NFASC: variants seen among roughly 807,000 people sequenced by gnomAD.
NFASC encodes the protein neurofascin, also known as neurofascin homolog.
A neutral mutation model predicts 147.5 loss-of-function variants in NFASC; 43 were observed. That is an observed-to-expected ratio of 0.29 (90% CI 0.23 to 0.38). The LOEUF is 0.38. Ranked by LOEUF, NFASC falls within the 10% of genes least tolerant of loss-of-function variation. NFASC has a pLI of 1.00. For synonymous variants in NFASC, 622 were observed against 665.5 expected, an observed-to-expected ratio of 0.93 and a Z score of 1.01; for missense variants, 1,320 against 1,689.0, an observed-to-expected ratio of 0.78 and a Z score of 3.83.
chr1:204,835,657 T>A (rs1673544273), intron 1 of NFASC, among the ~76,000 whole-genome samples: 1 of 152,122 alleles, frequency 6.6e-6, no homozygotes, highest in South Asian at 2.1e-4. Flanking sequence ...GGGTGGTGGG[T>A]GCATGTAATT....
intron 1 of NFASC, among the ~76,000 whole-genome samples, chr1:204,859,766 T>A (rs558851250): frequency 1.3e-5 from 2 of 152,368 alleles, no homozygotes; most frequent in East Asian, 3.9e-4. Context: ...AAAATAACCA[T>A]TTAAGACTTA....
rs933603296 is a variant in NFASC at position 205,016,685 on chromosome 1, T to C, written c.*146T>C. ...GGGTCTGCCAAGCTGTGAGGACCAGTAGCCACCAAGCCACCCACAAGCCCC... is the reference window on the plus strand; with the variant it reads ...GGGTCTGCCAAGCTGTGAGGACCAGCAGCCACCAAGCCACCCACAAGCCCC... On this transcript the variant is annotated 3_prime_UTR_variant, in exon 30 of 30. Coordinates refer to ENST00000339876, the MANE Select transcript of NFASC (RefSeq NM_001005388.3). The surrounding 1 kb of genome is among the most constrained non-coding windows in gnomAD (Gnocchi z 5.1). 5.6e-6 allele frequency: 4 copies of C among 708,304 alleles called. No individual in the cohort carries two copies. In the Admixed American group the frequency reaches 8.1e-5, roughly 14 times the overall value. The allele number at this position is 708,304 out of a possible 1,614,324, so 43.9% of individuals were successfully genotyped here. A position where few individuals can be genotyped will look rare whatever the true frequency, so the allele number is the denominator to read the frequency against.
chr1:204,943,994 C>T (rs553507473), intron 2 of NFASC, among the ~76,000 whole-genome samples: 2 of 152,152 alleles, frequency 1.3e-5, no homozygotes, highest in African/African-American at 2.4e-5. Flanking sequence ...TGGCTTCTAT[C>T]GGGTAGAGGT....
In NFASC at chr1:204,915,516, C is replaced by T. The variant is rs138787246; in HGVS notation, c.-199-5116C>T. On this transcript the variant is annotated intron_variant, in intron 1 of 29. Coordinates refer to ENST00000339876, the MANE Select transcript of NFASC (RefSeq NM_001005388.3). ...CAGGGTATGAGTGGAGCTTGGGAAGCTGTGCGACAGGTTTGAGAGGACGAT... is the reference window on the plus strand; with the variant it reads ...CAGGGTATGAGTGGAGCTTGGGAAGTTGTGCGACAGGTTTGAGAGGACGAT... 4.3e-3 allele frequency among the ~76,000 whole-genome samples: 653 copies of T among 152,200 alleles called. 6 individuals carry two copies. Among genetic ancestry groups the T allele is most frequent in the African/African-American group, 0.015 (618 of 41,524 alleles).
rs182896603 is a variant in NFASC, at chr1:204,914,903, G to A, written c.-199-5729G>A. 1.3e-3 allele frequency among the ~76,000 whole-genome samples: 200 copies of A among 152,276 alleles called. 1 individual carries two copies. Among genetic ancestry groups the A allele is most frequent in the African/African-American group, 4.4e-3 (184 of 41,542 alleles). On this transcript the variant is annotated intron_variant, in intron 1 of 29. Coordinates refer to ENST00000339876, the MANE Select transcript of NFASC (RefSeq NM_001005388.3). ...AATTTTCTATATGAAATGATTACAA[G>A]CAACCTAAATGTCTATCAGTAGAGG... is the stretch of plus-strand genomic sequence containing the variant.
chr1:204,900,747 G>A (rs1328361228), intron 1 of NFASC, among the ~76,000 whole-genome samples: 1 of 152,220 alleles, frequency 6.6e-6, no homozygotes, highest in Admixed American at 6.5e-5. Flanking sequence ...GGGGACACTG[G>A]AACGAAGACC....
At position 205,008,244 on chromosome 1, in the gene NFASC, C is replaced by T. The variant is rs186028378; in HGVS notation, c.3290-1313C>T. The stretch of plus-strand genomic sequence containing the variant: ...GGGAAGGCTGTAAAAACAGTTTCTG[C>T]CCCCAAGAGGAGCAAAGGGTGGGCT... On this transcript the variant is annotated intron_variant, in intron 27 of 29. Coordinates refer to ENST00000339876, the MANE Select transcript of NFASC (RefSeq NM_001005388.3). Among the ~76,000 whole-genome samples the T allele has an allele frequency of 1.6e-4, 25 of 152,318 alleles. No individual in the cohort carries two copies. In the East Asian group the frequency reaches 4.6e-3, roughly 28 times the overall value.
chr1:204,870,597 C>A (rs1339703114), intron 1 of NFASC: 3 of 905,284 alleles, frequency 3.3e-6, no homozygotes, highest in Non-Finnish European at 2.7e-6. Context: ...TCTGTCTATC[C>A]CCTCAGGAGC....
At position 205,000,264 on chromosome 1, in the gene NFASC, G is replaced by C. The variant is rs574613027; in HGVS notation, c.3020-906G>C. ...ACCTAGTCCACGTGAGGGAGAGGAA[G>C]GCTTCACATTGTCTTTACTTGGGCC... On this transcript the variant is annotated intron_variant, in intron 25 of 29. Coordinates refer to ENST00000339876, the MANE Select transcript of NFASC (RefSeq NM_001005388.3). 20 of 152,292 alleles carry C rather than the reference G, an allele frequency of 1.3e-4. No individual in the cohort carries two copies. In the East Asian group the frequency reaches 2.3e-3, roughly 18 times the overall value. 9.4% of individuals were successfully genotyped at this position (152,292 alleles called of 1,614,324 possible). A position where few individuals can be genotyped will look rare whatever the true frequency, so the allele number is the denominator to read the frequency against.
At chr1:204,829,859 C>T (rs991260570) in intron 1 of NFASC, among the ~76,000 whole-genome samples, 1 of 152,184 alleles carries the variant, frequency 6.6e-6, no homozygotes, top group Non-Finnish European at 1.5e-5. Context: ...AGCACTTTGG[C>T]ATCTGGAGCT....
At chr1:204,829,284 C>T (rs536082865) in intron 1 of NFASC, among the ~76,000 whole-genome samples, 3 of 151,514 alleles carry the variant, frequency 2.0e-5, no homozygotes, top group Admixed American at 2.0e-4. Flanking sequence ...CTGTCCTCCC[C>T]TGGTTCCCCC....
intron 29 of NFASC, among the ~76,000 whole-genome samples, chr1:205,013,154 C>T (rs906639796): frequency 2.0e-5 from 3 of 152,230 alleles, no homozygotes; most frequent in Admixed American, 6.5e-5. Flanking sequence ...CATTCAACTG[C>T]ACAACTCAAA....
At chr1:204,991,698 C>T (rs988100244) in intron 24 of NFASC, among the ~76,000 whole-genome samples, 1 of 152,230 alleles carries the variant, frequency 6.6e-6, no homozygotes, top group African/African-American at 2.4e-5. Context: ...CCCTAGAAGG[C>T]GCGCTGCAGC....
At chr1:204,998,600 T>C (rs1018740413) in intron 25 of NFASC, 5 of 152,212 alleles carry the variant, frequency 3.3e-5, no homozygotes, top group African/African-American at 1.2e-4. Context: ...GCTTCACAGG[T>C]GCCATCTAGA....
intron 1 of NFASC, among the ~76,000 whole-genome samples, chr1:204,840,510 G>A (rs1475385761): frequency 6.6e-6 from 1 of 152,162 alleles, no homozygotes. Context: ...ATGTCTTACA[G>A]CATATTACTA....
chr1:204,847,276 A>G (rs1486241411), intron 1 of NFASC, among the ~76,000 whole-genome samples: 1 of 152,198 alleles, frequency 6.6e-6, no homozygotes, highest in Non-Finnish European at 1.5e-5. Context: ...TATGTGCTAG[A>G]CAATGTCCTA....
intron 1 of NFASC, among the ~76,000 whole-genome samples, chr1:204,876,865 CT>C (rs1348475005): frequency 6.6e-6 from 1 of 150,824 alleles, no homozygotes; most frequent in Admixed American, 6.6e-5. Flanking sequence ...GAGAGGAGAG[CT>C]TTGTTTTTTA....
chr1:204,856,473 C>G (rs2076175777), intron 1 of NFASC, among the ~76,000 whole-genome samples: 1 of 151,184 alleles, frequency 6.6e-6, no homozygotes, highest in Non-Finnish European at 1.5e-5. Context: ...TAGAACGATC[C>G]CCCATGTACC....
At chr1:204,911,962 G>T (rs1001265687) in intron 1 of NFASC, among the ~76,000 whole-genome samples, 7 of 152,038 alleles carry the variant, frequency 4.6e-5, no homozygotes, top group Non-Finnish European at 1.0e-4. Context: ...AAGTCTGCAG[G>T]GGCTACAGTG....
Sources: gnomAD v4.1 joint callset for allele counts (sites outside exome capture counted in the v4.1 genomes callset) on GRCh38, gnomAD v4.1.1 for gene constraint, Gnocchi (gnomAD v3.1) non-coding constraint, MANE v1.5 for transcripts, NCBI Gene and HGNC (gene_info 2026-07-23, HGNC 2026-07-21) for gene names.